The following SLC29A3 variants were observed in gnomAD, a reference collection of about 807,000 sequenced individuals.
SLC29A3 encodes solute carrier family 29 member 3.
SLC29A3 carries 18 observed loss-of-function variants against 25.4 expected under a neutral mutation model. The observed-to-expected ratio is 0.71, with a 90% CI of 0.49 to 1.05. The LOEUF is 1.05. Among genes scored for constraint, SLC29A3 ranks in the 50% least tolerant of loss-of-function variants. The probability of loss-of-function intolerance (pLI) is 0.00; values close to 1 mark genes in which losing one functional copy is unlikely to be tolerated. For synonymous variants in SLC29A3, 258 were observed against 267.1 expected (o/e 0.97, Z 0.33); for missense variants, 586 against 609.0 (o/e 0.96, Z 0.40).
intron 1 of SLC29A3, among the ~76,000 whole-genome samples, chr10:71,320,891 C>T (rs556703516): frequency 6.6e-6 from 1 of 152,336 alleles, no homozygotes; most frequent in South Asian, 2.1e-4. Context: ...ACACAGATTC[C>T]CATTCCCAGC....
chr10:71,331,735 A>G (rs2131808639), intron 2 of SLC29A3, among the ~76,000 whole-genome samples: 1 of 152,348 alleles, frequency 6.6e-6, no homozygotes, highest in South Asian at 2.1e-4. Context: ...TGTTTCCCCT[A>G]ACTTTGTAGC....
intron 3 of SLC29A3, among the ~76,000 whole-genome samples, chr10:71,345,731 C>T (rs1045943938): frequency 1.1e-4 from 17 of 152,222 alleles, no homozygotes; most frequent in African/African-American, 4.1e-4. Context: ...CCTGCGGAGA[C>T]CGCCACCCCA....
At chr10:71,326,894 A>G (rs970320780) in intron 2 of SLC29A3, among the ~76,000 whole-genome samples, 4 of 152,168 alleles carry the variant, frequency 2.6e-5, no homozygotes, top group African/African-American at 9.7e-5. Context: ...TTGGGAAGCG[A>G]GCATGCTGAG....
intron 4 of SLC29A3, among the ~76,000 whole-genome samples, chr10:71,379,474 T>A (rs967919219): frequency 6.6e-6 from 1 of 152,244 alleles, no homozygotes; most frequent in African/African-American, 2.4e-5. Context: ...ATTCCTTATA[T>A]GAAAGAAGTA....
intron 2 of SLC29A3, among the ~76,000 whole-genome samples, chr10:71,334,949 T>G (rs1287225864): frequency 1.5e-5 from 2 of 130,926 alleles, no homozygotes; most frequent in Non-Finnish European, 3.2e-5. Context: ...GTTGACTCTT[T>G]TTTTTTCTTT....
rs372278925 is a variant in SLC29A3, at chr10:71,361,076, CTG to C, written c.774-873_774-872del. Among the ~76,000 whole-genome samples, 73 of 152,262 alleles carry C rather than the reference CTG, an allele frequency of 4.8e-4. 1 individual carries two copies. The South Asian group carries it at 0.014, about 30-fold the overall frequency. On this transcript the variant is annotated intron_variant, in intron 5 of 5. Coordinates refer to ENST00000373189, the MANE Select transcript of SLC29A3 (RefSeq NM_018344.6). ...CCCCACTCTTGCTTAAGAAATGTAA[CTG>C]TGTGAGTGTTGTTTGTGTGTGCATG... is the stretch of plus-strand genomic sequence containing the variant.
intron 2 of SLC29A3, among the ~76,000 whole-genome samples, chr10:71,331,785 G>A (rs951432717): frequency 6.6e-6 from 1 of 152,234 alleles, no homozygotes; most frequent in East Asian, 1.9e-4. Context: ...CCACAGAGGA[G>A]GAAAGTAGAG....
intron 2 of SLC29A3, among the ~76,000 whole-genome samples, chr10:71,337,722 C>T (rs929372786): frequency 1.3e-5 from 2 of 152,216 alleles, no homozygotes; most frequent in Admixed American, 6.5e-5. Context: ...CAGAGATAAA[C>T]GGGCTCATTT....
intron 2 of SLC29A3, among the ~76,000 whole-genome samples, chr10:71,324,758 G>A (rs1243317781): frequency 7.9e-5 from 12 of 152,138 alleles, no homozygotes; most frequent in Admixed American, 7.9e-4. Context: ...TGGAGGGACA[G>A]CTATACATCA....
At chr10:71,376,754 T>C (rs1652499002) in intron 4 of SLC29A3, among the ~76,000 whole-genome samples, 1 of 152,188 alleles carries the variant, frequency 6.6e-6, no homozygotes, top group East Asian at 1.9e-4. Flanking sequence ...GGTTTTTGTT[T>C]CTGTGTTTTT....
At chr10:71,379,513 A>T (rs1847286929) in intron 4 of SLC29A3, among the ~76,000 whole-genome samples, 1 of 152,202 alleles carries the variant, frequency 6.6e-6, no homozygotes, top group South Asian at 2.1e-4. Context: ...CTAATGAATC[A>T]GTTGTTTTTC....
chr10:71,358,036 A>G (rs1198245829), intron 5 of SLC29A3, among the ~76,000 whole-genome samples: 22 of 152,148 alleles, frequency 1.4e-4, no homozygotes, highest in Non-Finnish European at 3.1e-4. Context: ...ATGATTTATG[A>G]CAATCTGTGC....
chr10:71,363,203 G>A lies in SLC29A3; in HGVS notation c.*595G>A, dbSNP rs1428916205. 1.1e-5 allele frequency: 5 copies of A among 452,348 alleles called. No individual in the cohort carries two copies. The highest frequency in any genetic ancestry group is 2.2e-5 in the Non-Finnish European group (5 of 226,182). The allele number at this position is 452,348 out of a possible 1,614,324, so 28.0% of individuals were successfully genotyped here. On this transcript the variant is annotated 3_prime_UTR_variant, in exon 6 of 6. Coordinates refer to ENST00000373189, the MANE Select transcript of SLC29A3 (RefSeq NM_018344.6). ...GGCCTTCCATGAATGCTTCATTCCA[G>A]AGGGACCAGAGGGCCTCCCTGTGCA...
intron 2 of SLC29A3, among the ~76,000 whole-genome samples, chr10:71,325,316 T>C (rs1479456996): frequency 6.6e-6 from 1 of 152,174 alleles, no homozygotes; most frequent in Non-Finnish European, 1.5e-5. Context: ...TCTTAAAAAA[T>C]ACCAGTCCAG....
At chr10:71,376,499 A>G (rs1182020599) in intron 4 of SLC29A3, among the ~76,000 whole-genome samples, 6 of 152,212 alleles carry the variant, frequency 3.9e-5, no homozygotes, top group African/African-American at 1.4e-4. Context: ...AGATTTCAAC[A>G]TTAGACCATT....
intron 5 of SLC29A3, among the ~76,000 whole-genome samples, chr10:71,358,097 A>G (rs540046562): frequency 6.6e-6 from 1 of 152,200 alleles, no homozygotes; most frequent in Non-Finnish European, 1.5e-5. Flanking sequence ...GAAGCTTTGG[A>G]GAGTTCACAA....
At chr10:71,359,268 G>A (rs926269533) in intron 5 of SLC29A3, among the ~76,000 whole-genome samples, 1 of 152,148 alleles carries the variant, frequency 6.6e-6, no homozygotes, top group Non-Finnish European at 1.5e-5. Context: ...TGGGCTCACA[G>A]ACACTTCTCT....
chr10:71,323,167 GT>G, intron 2 of SLC29A3, 113 bp downstream of exon 2: 1 of 1,387,062 alleles, frequency 7.2e-7, no homozygotes, highest in Non-Finnish European at 1.0e-6. Flanking sequence ...ATCACTTACT[GT>G]TTAGCTTGGG....
rs145272804 is a variant in SLC29A3 at position 71,359,494 on chromosome 10, A to T, written c.774-2460A>T. ...ACCTGACGACGCTGAATAGAGGGGA[A>T]GTAAGAATATTCCTTTCCGTAGATA... is the stretch of plus-strand genomic sequence containing the variant. On this transcript the variant is annotated intron_variant, in intron 5 of 5. Coordinates refer to ENST00000373189, the MANE Select transcript of SLC29A3 (RefSeq NM_018344.6). 1.3e-3 allele frequency among the ~76,000 whole-genome samples: 202 copies of T among 152,326 alleles called. 2 individuals are homozygous for T. The East Asian group carries it at 0.031, about 23-fold the overall frequency.
Sources: gnomAD v4.1 joint callset for allele counts (sites outside exome capture counted in the v4.1 genomes callset) on GRCh38, gnomAD v4.1.1 for gene constraint, MANE v1.5 for transcripts, NCBI Gene and HGNC (gene_info 2026-07-23, HGNC 2026-07-21) for gene names.